The following WDPCP variants were observed in gnomAD, a reference collection of about 807,000 sequenced individuals.
WDPCP encodes WD repeat-containing and planar cell polarity effector protein fritz homolog.
In WDPCP, 71 loss-of-function variants were observed where a neutral mutation model predicts 93.1. That is an observed-to-expected ratio of 0.76 (90% confidence interval 0.63 to 0.93). The LOEUF (loss-of-function observed/expected upper bound fraction) is 0.93. Among genes scored for constraint, WDPCP ranks in the 40% least tolerant of loss-of-function variants. The pLI, the probability that WDPCP is intolerant of heterozygous loss-of-function variation, is 0.00. For missense variants in WDPCP, 844 were observed against 887.4 expected (o/e 0.95, Z 0.62); for synonymous variants, 315 against 315.0 (o/e 1.00, Z 0.00).
intron 1 of WDPCP, among the ~76,000 whole-genome samples, chr2:63,821,860 G>A (rs922303307): frequency 2.0e-5 from 3 of 152,006 alleles, no homozygotes; most frequent in Admixed American, 6.6e-5. Flanking sequence ...ACACACAAAC[G>A]CACACTTAAG....
intron 1 of WDPCP, among the ~76,000 whole-genome samples, chr2:63,569,683 T>C (rs989074996): frequency 2.6e-5 from 4 of 152,172 alleles, no homozygotes; most frequent in Non-Finnish European, 4.4e-5. Flanking sequence ...GCTCAGTGGG[T>C]CAGAGCTACC....
rs140067296 is a variant in WDPCP, at chr2:63,658,912, G to C, written n.309-8074C>G. The stretch of plus-strand genomic sequence containing the variant: ...GAATCCTAACTTAGAAATTGATCTA[G>C]GACTTTCGTCGTCTTGATTTAAAAC... On this transcript the variant is annotated intron_variant and non_coding_transcript_variant, in intron 2 of 4. Transcript: ENST00000467687. Among the ~76,000 whole-genome samples the C allele has an allele frequency of 1.9e-3, 283 of 152,192 alleles. 2 individuals are homozygous for C. The highest frequency in any genetic ancestry group is 0.01 in the Middle Eastern group (3 of 294).
chr2:63,773,714 T>A (rs1301803295), intron 2 of WDPCP, among the ~76,000 whole-genome samples: 1 of 152,136 alleles, frequency 6.6e-6, no homozygotes, highest in Non-Finnish European at 1.5e-5. Flanking sequence ...CCAGGTTCAA[T>A]GCCAAAATAT....
chr2:63,632,473 C>T (rs1042694169), intron 3 of WDPCP, among the ~76,000 whole-genome samples: 4 of 152,004 alleles, frequency 2.6e-5, no homozygotes, highest in African/African-American at 9.7e-5. Flanking sequence ...CAACTCAATG[C>T]AATCAGGAAA....
At chr2:63,502,253 A>G (rs1701605569) in intron 1 of WDPCP, among the ~76,000 whole-genome samples, 1 of 152,226 alleles carries the variant, frequency 6.6e-6, no homozygotes. Context: ...ATGTTTTAAT[A>G]GCCACAATAT....
At chr2:63,431,407 A>G (rs1020361876) in intron 9 of WDPCP, among the ~76,000 whole-genome samples, 2 of 152,142 alleles carry the variant, frequency 1.3e-5, no homozygotes, top group Non-Finnish European at 2.9e-5. Flanking sequence ...TAGATGGTAA[A>G]TGCTTTTTAA....
chr2:63,667,240 C>T (rs1029639748), intron 2 of WDPCP, among the ~76,000 whole-genome samples: 31 of 152,138 alleles, frequency 2.0e-4, no homozygotes, highest in Admixed American at 7.2e-4. Flanking sequence ...GGTTGTATTT[C>T]AGAATTTGGC....
intron 1 of WDPCP, among the ~76,000 whole-genome samples, chr2:63,504,090 A>T (rs1301910453): frequency 6.6e-6 from 1 of 152,096 alleles, no homozygotes; most frequent in Non-Finnish European, 1.5e-5. Flanking sequence ...ATGGCTTCTT[A>T]TAAAAAGTGA....
chr2:63,655,086 T>G (rs1710151515), intron 2 of WDPCP, among the ~76,000 whole-genome samples: 1 of 152,222 alleles, frequency 6.6e-6, no homozygotes, highest in African/African-American at 2.4e-5. Context: ...TCATGTCATT[T>G]GTACTCATGC....
intron 13 of WDPCP, among the ~76,000 whole-genome samples, chr2:63,292,089 C>T (rs1351892056): frequency 9.6e-5 from 13 of 136,046 alleles, no homozygotes; most frequent in African/African-American, 3.0e-4. Context: ...GCCGAGATCG[C>T]GCCACTGCAC....
intron 15 of WDPCP, among the ~76,000 whole-genome samples, chr2:63,167,102 T>C (rs531097415): frequency 6.6e-6 from 1 of 152,364 alleles, no homozygotes; most frequent in South Asian, 2.1e-4. Context: ...TCCAGTTCCA[T>C]GTAAATAAAG....
chr2:63,448,680 C>T (rs760108830), intron 6 of WDPCP, among the ~76,000 whole-genome samples: 12 of 152,068 alleles, frequency 7.9e-5, no homozygotes, highest in Non-Finnish European at 1.6e-4. Flanking sequence ...TACTATTCAG[C>T]CTTTAAAAAG....
chr2:63,621,956 C>T lies in WDPCP; in HGVS notation n.488+28703G>A, dbSNP rs564343354. ...GTTAGTTACATATGTATACATGTGC[C>T]GTACTGGTGCACTGCACCCACTAAC... On this transcript the variant is annotated intron_variant and non_coding_transcript_variant, in intron 3 of 4. Coordinates refer to the WDPCP transcript ENST00000467687. Among the ~76,000 whole-genome samples, 20 of 151,712 alleles carry T rather than the reference C, an allele frequency of 1.3e-4. No homozygotes were observed. The South Asian group carries it at 4.0e-3, about 30-fold the overall frequency.
chr2:63,200,302 A>T (rs1286639725), intron 14 of WDPCP, among the ~76,000 whole-genome samples: 4 of 152,126 alleles, frequency 2.6e-5, no homozygotes. Flanking sequence ...AAAACTAAAA[A>T]TAGAGCTACC....
intron 14 of WDPCP, among the ~76,000 whole-genome samples, chr2:63,185,024 T>G (rs1036600529): frequency 6.6e-6 from 1 of 152,206 alleles, no homozygotes; most frequent in Non-Finnish European, 1.5e-5. Context: ...TTGTAATTCC[T>G]TCAGTGAATT....
intron 12 of WDPCP, among the ~76,000 whole-genome samples, chr2:63,347,915 T>C (rs1367221740): frequency 6.6e-6 from 1 of 152,164 alleles, no homozygotes; most frequent in Non-Finnish European, 1.5e-5. Flanking sequence ...TATCATCAGC[T>C]AGATGTCAGC....
intron 12 of WDPCP, among the ~76,000 whole-genome samples, chr2:63,313,866 A>G (rs367921515): frequency 1.7e-4 from 1 of 5,810 alleles, no homozygotes; most frequent in East Asian, 0.071. Context: ...ATATATATAT[A>G]TATATATATA....
At chr2:63,414,523 A>C (rs947561759) in intron 9 of WDPCP, among the ~76,000 whole-genome samples, 1 of 152,044 alleles carries the variant, frequency 6.6e-6, no homozygotes, top group Non-Finnish European at 1.5e-5. Context: ...ACATATATAC[A>C]TATGATGGAA....
At chr2:63,665,143 G>A (rs1327619027) in intron 2 of WDPCP, among the ~76,000 whole-genome samples, 1 of 152,198 alleles carries the variant, frequency 6.6e-6, no homozygotes, top group Non-Finnish European at 1.5e-5. Context: ...TAGTTCAGTA[G>A]GGCTGCTGTA....
Sources: gnomAD v4.1 joint callset for allele counts (sites outside exome capture counted in the v4.1 genomes callset) on GRCh38, gnomAD v4.1.1 for gene constraint, MANE v1.5 for transcripts, NCBI Gene and HGNC (gene_info 2026-07-23, HGNC 2026-07-21) for gene names.